Variants in NCOA3 observed in about 807,000 individuals in gnomAD.
NCOA3 encodes the protein CBP-interacting protein.
A neutral mutation model predicts 158.8 loss-of-function variants in NCOA3; 51 were observed. That is an observed-to-expected ratio of 0.32 (90% CI 0.26 to 0.41). The LOEUF (loss-of-function observed/expected upper bound fraction) is 0.41, where lower values mean the gene tolerates loss of function less well. NCOA3 is among the 10% of genes least tolerant of loss of function. The probability of loss-of-function intolerance (pLI) is 1.00; values close to 1 mark genes in which losing one functional copy is unlikely to be tolerated. For missense variants in NCOA3, 1,510 were observed against 1,746.6 expected (o/e 0.86, Z 2.41); for synonymous variants, 537 against 592.4 (o/e 0.91, Z 1.36).
intron 19 of NCOA3, among the ~76,000 whole-genome samples, chr20:47,650,320 G>C (rs1037792303): frequency 6.9e-6 from 1 of 145,396 alleles, no homozygotes; most frequent in Non-Finnish European, 1.5e-5. Context: ...GCACGATCTC[G>C]GCTCACTGCA....
chr20:47,565,916 T>C (rs999932790), intron 1 of NCOA3, among the ~76,000 whole-genome samples: 2 of 152,224 alleles, frequency 1.3e-5, no homozygotes, highest in Non-Finnish European at 2.9e-5. Context: ...GGTTCTTTCA[T>C]TGACACCATT....
At chr20:47,567,988 G>GCCA (rs1316535751) in intron 1 of NCOA3, among the ~76,000 whole-genome samples, 1 of 152,182 alleles carries the variant, frequency 6.6e-6, no homozygotes, top group Non-Finnish European at 1.5e-5. Flanking sequence ...ACAGTCATGA[G>GCCA]CCACCATACC....
At chr20:47,595,751 A>G (rs1390456956) in intron 2 of NCOA3, among the ~76,000 whole-genome samples, 2 of 151,552 alleles carry the variant, frequency 1.3e-5, no homozygotes, top group East Asian at 1.9e-4. Flanking sequence ...TTTAATTTCT[A>G]GCTCCACCAC....
At chr20:47,562,788 A>G (rs1256802176) in intron 1 of NCOA3, among the ~76,000 whole-genome samples, 1 of 152,204 alleles carries the variant, frequency 6.6e-6, no homozygotes, top group Non-Finnish European at 1.5e-5. Context: ...ACATTTTGTT[A>G]TATTTTCTAA....
chr20:47,522,704 G>GTTC (rs1251136499), intron 1 of NCOA3, among the ~76,000 whole-genome samples: 1 of 151,978 alleles, frequency 6.6e-6, no homozygotes, highest in East Asian at 1.9e-4. Flanking sequence ...GCGCTATGAT[G>GTTC]TTCTACACAC....
At chr20:47,650,917 C>T (rs866338152) in intron 19 of NCOA3, 65 bp from the exon 20 acceptor site, 1 of 1,447,044 alleles carries the variant, frequency 6.9e-7, no homozygotes, top group Non-Finnish European at 9.6e-7. Flanking sequence ...TGTGGGGGTA[C>T]TATATGTATG....
At chr20:47,641,324 CTTTTTTTT>C (rs34173277) in intron 16 of NCOA3, among the ~76,000 whole-genome samples, 10 of 96,600 alleles carry the variant, frequency 1.0e-4, no homozygotes, top group Admixed American at 1.2e-4. Context: ...CTCAACATTT[CTTTTTTTT>C]TTTTTTTTTT....
At chr20:47,647,907 T>C (rs2086715524) in intron 18 of NCOA3, among the ~76,000 whole-genome samples, 1 of 144,568 alleles carries the variant, frequency 6.9e-6, no homozygotes, top group African/African-American at 2.6e-5. Context: ...GTTTGTTTGT[T>C]TGTTTTGTTT....
At chr20:47,535,327 C>T (rs1262682965) in intron 1 of NCOA3, among the ~76,000 whole-genome samples, 1 of 152,184 alleles carries the variant, frequency 6.6e-6, no homozygotes, top group Non-Finnish European at 1.5e-5. Flanking sequence ...CCTGAAGCCC[C>T]AGTGGCCGTG....
intron 21 of NCOA3, 52 bp from the exon 22 acceptor site, chr20:47,652,878 CT>C: frequency 1.9e-6 from 3 of 1,594,478 alleles, no homozygotes; most frequent in Non-Finnish European, 2.6e-6. Flanking sequence ...TGGGCATGCC[CT>C]TTGTCGCTAA....
At chr20:47,649,614 GTTTT>G (rs11480989) in intron 19 of NCOA3, among the ~76,000 whole-genome samples, 1 of 151,714 alleles carries the variant, frequency 6.6e-6, no homozygotes, top group African/African-American at 2.4e-5. Flanking sequence ...GTATTGAGGG[GTTTT>G]TTTAATGTGC....
intron 2 of NCOA3, among the ~76,000 whole-genome samples, chr20:47,616,368 C>G (rs1568728600): frequency 6.6e-6 from 1 of 151,420 alleles, no homozygotes; most frequent in Non-Finnish European, 1.5e-5. Context: ...TAATTTTGTA[C>G]TTTTAGTAGA....
chr20:47,545,906 G>A (rs2084820895), intron 1 of NCOA3, among the ~76,000 whole-genome samples: 1 of 151,700 alleles, frequency 6.6e-6, no homozygotes, highest in Non-Finnish European at 1.5e-5. Flanking sequence ...ATAGTGATGG[G>A]GTTTTGCCAT....
At chr20:47,652,334 T>TTAG in intron 20 of NCOA3, 72 bp from the exon 21 acceptor site, 1 of 1,404,448 alleles carries the variant, frequency 7.1e-7, no homozygotes, top group Non-Finnish European at 9.7e-7. Context: ...AAAACAAAAT[T>TTAG]ACTACAGAAA....
At chr20:47,580,575 A>G (rs1221602975) in intron 1 of NCOA3, among the ~76,000 whole-genome samples, 1 of 150,910 alleles carries the variant, frequency 6.6e-6, no homozygotes, top group Non-Finnish European at 1.5e-5. Context: ...CATCCCCCCA[A>G]AAAATCCTTT....
intron 1 of NCOA3, among the ~76,000 whole-genome samples, chr20:47,523,795 T>C (rs779969198): frequency 3.3e-5 from 5 of 152,240 alleles, no homozygotes; most frequent in Non-Finnish European, 5.9e-5. Context: ...TTATCCCTGC[T>C]ATAAGGATAA....
chr20:47,551,721 C>T (rs2084930155), intron 1 of NCOA3, among the ~76,000 whole-genome samples: 1 of 151,990 alleles, frequency 6.6e-6, no homozygotes. Context: ...AATGGAAAAA[C>T]ATTATTTGTG....
rs78159138 is a variant in NCOA3 at position 47,526,049 on chromosome 20, C to T, written c.-99+24030C>T. ...GGGGCTCCTCACTTCTCAGACGGGG[C>T]GGTTGCCAGGCAGAGGGTCTCCTCA... On this transcript the variant is annotated intron_variant, in intron 1 of 22. Transcript: ENST00000371998. Among the ~76,000 whole-genome samples, 1,106 of 140,566 alleles carry T rather than the reference C, an allele frequency of 7.9e-3. 18 individuals carry two copies. Among genetic ancestry groups the T allele is most frequent in the African/African-American group, 0.027 (1,021 of 37,434 alleles). The allele number at this position is 140,566 out of a possible 152,430, so 92.2% of individuals were successfully genotyped here. A position where few individuals can be genotyped will look rare whatever the true frequency, so the allele number is the denominator to read the frequency against.
At chr20:47,641,320 A>ATT (rs1452669959) in intron 16 of NCOA3, among the ~76,000 whole-genome samples, 1 of 123,794 alleles carries the variant, frequency 8.1e-6, no homozygotes, top group African/African-American at 3.1e-5. Flanking sequence ...ATAGCTCAAC[A>ATT]TTTCTTTTTT....
Sources: gnomAD v4.1 joint callset for allele counts (sites outside exome capture counted in the v4.1 genomes callset) on GRCh38, gnomAD v4.1.1 for gene constraint, MANE v1.5 for transcripts, NCBI Gene and HGNC (gene_info 2026-07-23, HGNC 2026-07-21) for gene names.